The following CYP4F2 variants were observed in gnomAD, a reference collection of about 807,000 sequenced individuals.
The protein encoded by CYP4F2 is cytochrome P450 family 4 subfamily F member 2.
A neutral mutation model predicts 58.9 loss-of-function variants in CYP4F2; 58 were observed. The observed-to-expected ratio is 0.98, with a 90% CI of 0.80 to 1.23. CYP4F2 has a LOEUF of 1.23. Ranked by LOEUF, CYP4F2 falls within the 50% of genes most tolerant of loss-of-function variation. The pLI is 0.00. For missense variants in CYP4F2, 616 were observed against 685.6 expected, an observed-to-expected ratio of 0.90 and a Z score of 1.13; for synonymous variants, 287 against 261.1, an observed-to-expected ratio of 1.10 and a Z score of -0.95.
intron 8 of CYP4F2, 89 bp downstream of exon 8, chr19:15,886,153 G>A (rs938548410): frequency 4.4e-6 from 7 of 1,607,424 alleles, no homozygotes; most frequent in African/African-American, 1.3e-5. Context: ...TGGGGGAAGG[G>A]GGATGGGAAG....
rs1395613683 is a variant in CYP4F2 at position 15,878,655 on chromosome 19, G to C, written c.*116C>G. The C allele has an allele frequency of 7.8e-7, 1 of 1,279,138 alleles. No homozygotes were observed. Among genetic ancestry groups the C allele is most frequent in the Admixed American group, 2.9e-5 (1 of 34,076 alleles). 79.2% of individuals were successfully genotyped at this position (1,279,138 alleles called of 1,614,324 possible). ...TGAACACTTGTCTCAATTATTTTGA[G>C]TAGATATCTAGGATGGAATACAGGA... On this transcript the variant is annotated 3_prime_UTR_variant, in exon 13 of 13. Transcript: ENST00000221700.
chr19:15,887,136 A>T (rs764278798), intron 7 of CYP4F2, among the ~76,000 whole-genome samples: 6 of 152,172 alleles, frequency 3.9e-5, no homozygotes, highest in Admixed American at 6.5e-5. Context: ...TAGACTTAGA[A>T]ACTGACACAG....
chr19:15,897,290 G>A, intron 2 of CYP4F2, 124 bp downstream of exon 2: 3 of 979,250 alleles, frequency 3.1e-6, no homozygotes, highest in East Asian at 2.6e-5. Flanking sequence ...TGAGTAAGAT[G>A]CCTCCTCTGC....
rs1415487441 is a variant in CYP4F2, at chr19:15,878,789, C to G, written c.1545G>C (p.Arg515=). The change falls in exon 13 of 13, where the codon CGG becomes CGC. Residue 515 remains arginine, a synonymous_variant. Transcript: ENST00000221700. The part of the protein sequence containing the change: ...VLRAEGGLWL[R]VEPLS ...GCAGAACTCAGCTCAGGGGCTCCAC[C>G]CGCAGCCAAAGTCCGCCCTCTGCGC... The G allele has an allele frequency of 3.7e-6, 6 of 1,613,388 alleles. No homozygotes were observed. The Admixed American group carries it at 8.3e-5, about 22-fold the overall frequency.
At position 15,895,608 on chromosome 19, in the gene CYP4F2, C is replaced by T; in HGVS notation, c.241G>A (p.Val81Met). The change falls in exon 3 of 13, where the codon GTG (valine) becomes ATG (methionine). Residue 81 changes from valine to methionine, a missense_variant. Physicochemically the swap from Val to Met is conservative, Grantham distance 21 (BLOSUM62 1). Coordinates refer to ENST00000221700, the MANE Select transcript of CYP4F2 (RefSeq NM_001082.5). The stretch of plus-strand genomic sequence containing the variant: ...TTAAAGCCCTGGGGGTAGGTGGCCA[C>T]CAGCTGAGTCAGAACTCTCATGCCC... Reference protein sequence around the residue: ...EEGMRVLTQLVATYPQGFKVW... With the variant: ...EEGMRVLTQLMATYPQGFKVW... 1 of 1,594,696 alleles carries T rather than the reference C, an allele frequency of 6.3e-7. No individual in the cohort carries two copies. Among genetic ancestry groups the T allele is most frequent in the Non-Finnish European group, 8.5e-7 (1 of 1,171,894 alleles).
At chr19:15,880,250 G>A (rs1481760896) in intron 9 of CYP4F2, among the ~76,000 whole-genome samples, 2 of 152,084 alleles carry the variant, frequency 1.3e-5, no homozygotes, top group African/African-American at 4.8e-5. Flanking sequence ...GCTCAAGATG[G>A]TAGTTTTTGC....
intron 7 of CYP4F2, among the ~76,000 whole-genome samples, chr19:15,887,331 C>T (rs1437783391): frequency 6.6e-6 from 1 of 150,580 alleles, no homozygotes; most frequent in African/African-American, 2.4e-5. Context: ...CACAAATACA[C>T]GTAAACATAG....
intron 7 of CYP4F2, among the ~76,000 whole-genome samples, chr19:15,888,058 A>G (rs1347873909): frequency 6.6e-6 from 1 of 152,028 alleles, no homozygotes. Flanking sequence ...ACACACATAG[A>G]CTGTCACAGA....
chr19:15,888,185 T>C (rs1241824043), intron 7 of CYP4F2, among the ~76,000 whole-genome samples: 3 of 137,054 alleles, frequency 2.2e-5, no homozygotes, highest in African/African-American at 5.6e-5. Context: ...TAAACAAACA[T>C]AGACATAGAC....
At chr19:15,890,184 C>A (rs745642204) in intron 6 of CYP4F2, 128 bp downstream of exon 6, 55 of 1,488,082 alleles carry the variant, frequency 3.7e-5, no homozygotes, top group Non-Finnish European at 4.8e-5. Flanking sequence ...CATACCAGTC[C>A]TTCAATGATC....
At chr19:15,892,686 A>G in intron 3 of CYP4F2, 104 bp from the exon 4 acceptor site, 1 of 1,509,026 alleles carries the variant, frequency 6.6e-7, no homozygotes, top group East Asian at 2.3e-5. Flanking sequence ...TCCCACTCTG[A>G]GCCCCACATA....
chr19:15,886,207 C>T lies in CYP4F2; in HGVS notation c.985+35G>A, dbSNP rs74543087. The stretch of plus-strand genomic sequence containing the variant: ...CCCTGTTCCTGGAAGGGAGAGATCC[C>T]GGTCCCCTCTCTAGCCCCACACTGG... On this transcript the variant is annotated intron_variant, in intron 8 of 12. Transcript: ENST00000221700. 7.2e-4 allele frequency: 1,167 copies of T among 1,613,562 alleles called. 10 individuals carry two copies. In the African/African-American group the frequency reaches 0.013, roughly 18 times the overall value.
rs1234515018 is a variant in CYP4F2 at position 15,889,613 on chromosome 19, A to G, written c.728T>C (p.Ile243Thr). The G allele has an allele frequency of 6.2e-7, 1 of 1,614,070 alleles. No individual in the cohort carries two copies. The highest frequency in any genetic ancestry group is 2.2e-5 in the East Asian group (1 of 44,880). The change falls in exon 7 of 13, where the codon ATT becomes ACT. Residue 243 changes from isoleucine to threonine, a missense_variant. By Grantham distance (89) the Ile-to-Thr change is moderately conservative. Transcript: ENST00000221700. ...SKRHHEILLHIDFLYYLTPDG... is the reference protein window; with the variant it reads ...SKRHHEILLHTDFLYYLTPDG... ...AGGGGTGAGATAATACAGGAAGTCA[A>G]TATGCAGGAGGATCTCATGGTGTCT...
Position 15,885,084 on chromosome 19 carries a change from GCT to G in CYP4F2, c.1115+838_1115+839del, listed in dbSNP as rs757321694. On this transcript the variant is annotated intron_variant, in intron 9 of 12. Coordinates refer to ENST00000221700, the MANE Select transcript of CYP4F2 (RefSeq NM_001082.5). ...TTCTCCTCCTTTCTGTCCTGACCCT[GCT>G]CTCTCTCTCTCTCCTTCTCTCTCTC... Among the ~76,000 whole-genome samples the G allele has an allele frequency of 1.4e-3, 208 of 150,098 alleles. 2 individuals are homozygous for G. Among genetic ancestry groups the G allele is most frequent in the Admixed American group, 6.1e-3 (91 of 15,034 alleles).
chr19:15,886,395 A>G (rs984576198), intron 7 of CYP4F2, 87 bp from the exon 8 acceptor site: 101 of 1,475,296 alleles, frequency 6.8e-5, no homozygotes, highest in Non-Finnish European at 9.0e-5. Flanking sequence ...AATCTGAGAC[A>G]GTCTCTGAAG....
intron 9 of CYP4F2, among the ~76,000 whole-genome samples, chr19:15,883,948 G>T (rs1406947373): frequency 6.6e-6 from 1 of 152,038 alleles, no homozygotes; most frequent in Non-Finnish European, 1.5e-5. Flanking sequence ...AGTCCCAGCT[G>T]CTTGGGAGGC....
At chr19:15,883,145 C>T (rs3093189) in intron 9 of CYP4F2, among the ~76,000 whole-genome samples, 167 of 152,194 alleles carry the variant, frequency 1.1e-3, no homozygotes, top group Admixed American at 2.9e-3. Flanking sequence ...AGCTTCTGCA[C>T]AGCAAAGGAA....
intron 3 of CYP4F2, 101 bp downstream of exon 3, chr19:15,895,405 G>A: frequency 7.3e-7 from 1 of 1,366,400 alleles, no homozygotes; most frequent in Middle Eastern, 1.9e-4. Flanking sequence ...GAGAGGGAAG[G>A]AAAGGAGAGG....
chr19:15,887,216 A>C (rs981584372), intron 7 of CYP4F2, among the ~76,000 whole-genome samples: 13 of 152,316 alleles, frequency 8.5e-5, no homozygotes, highest in South Asian at 6.2e-4. Context: ...AAAGTCACAG[A>C]CTTAGAAACA....
Sources: gnomAD v4.1 joint callset for allele counts (sites outside exome capture counted in the v4.1 genomes callset) on GRCh38, gnomAD v4.1.1 for gene constraint, MANE v1.5 for transcripts, NCBI Gene and HGNC (gene_info 2026-07-23, HGNC 2026-07-21) for gene names.